Variants in PRDM16 observed in about 807,000 individuals in gnomAD.
The protein encoded by PRDM16 is PR/SET domain 16.
A neutral mutation model predicts 110.6 loss-of-function variants in PRDM16; 23 were observed. That is an observed-to-expected ratio of 0.21 (90% CI 0.15 to 0.29). PRDM16 has a LOEUF of 0.29. Among genes scored for constraint, PRDM16 ranks in the 10% least tolerant of loss-of-function variants. PRDM16 has a pLI of 1.00. For missense variants in PRDM16, 1,615 were observed against 1,794.3 expected (o/e 0.90, Z 1.81); for synonymous variants, 799 against 781.8 (o/e 1.02, Z -0.37).
intron 2 of PRDM16, among the ~76,000 whole-genome samples, chr1:3,224,267 A>C (rs982866733): frequency 1.3e-5 from 2 of 152,210 alleles, no homozygotes; most frequent in African/African-American, 4.8e-5. Flanking sequence ...AAAGCAATCA[A>C]ATTCATAATT....
At chr1:3,176,324 A>G (rs1644089628) in intron 1 of PRDM16, among the ~76,000 whole-genome samples, 1 of 151,734 alleles carries the variant, frequency 6.6e-6, no homozygotes, top group African/African-American at 2.4e-5. Context: ...CTATTCTTCC[A>G]TCCATCCCTC....
intron 3 of PRDM16, among the ~76,000 whole-genome samples, chr1:3,331,389 A>G (rs1317701220): frequency 6.6e-6 from 1 of 152,120 alleles, no homozygotes; most frequent in Non-Finnish European, 1.5e-5. Flanking sequence ...CAGAGAACAC[A>G]GCCCACCAGG....
At chr1:3,432,913 G>T (rs757664254) in intron 16 of PRDM16, among the ~76,000 whole-genome samples, 84 of 152,270 alleles carry the variant, frequency 5.5e-4, no homozygotes, top group Non-Finnish European at 1.1e-3. Flanking sequence ...ATGAACTAAC[G>T]CCTGGAAACA....
rs1042511639 is a variant in PRDM16 at position 3,255,636 on chromosome 1, G to A, written c.438+11499G>A. 1.3e-5 allele frequency among the ~76,000 whole-genome samples: 2 copies of A among 152,228 alleles called. No individual in the cohort carries two copies. The highest frequency in any genetic ancestry group is 2.9e-5 in the Non-Finnish European group (2 of 68,042). On this transcript the variant is annotated intron_variant, in intron 3 of 16. Transcript: ENST00000270722. The surrounding 1 kb of genome is among the most constrained non-coding windows in gnomAD (Gnocchi z 4.7). Reference sequence around the variant, plus strand: ...CCTTATCGCATTCAACTTAGCTGCTGTGGGCAAGCAGCAGGGCTTGGTCCA... The same window carrying A: ...CCTTATCGCATTCAACTTAGCTGCTATGGGCAAGCAGCAGGGCTTGGTCCA...
intron 4 of PRDM16, among the ~76,000 whole-genome samples, chr1:3,395,196 G>A (rs920340482): frequency 6.6e-6 from 1 of 151,686 alleles, no homozygotes; most frequent in Non-Finnish European, 1.5e-5. Flanking sequence ...ACATGGGGGA[G>A]GAGCATGCAG....
At chr1:3,183,617 T>C (rs1004238389) in intron 1 of PRDM16, among the ~76,000 whole-genome samples, 1 of 152,246 alleles carries the variant, frequency 6.6e-6, no homozygotes, top group Admixed American at 6.5e-5. Flanking sequence ...TGCACAGGCC[T>C]GCCTTTAATC....
chr1:3,074,225 G>C (rs542667401), intron 1 of PRDM16, among the ~76,000 whole-genome samples: 10 of 152,194 alleles, frequency 6.6e-5, no homozygotes, highest in African/African-American at 1.4e-4. Flanking sequence ...GAGTGCAGGC[G>C]AGCAGGCACC....
chr1:3,317,939 A>G (rs1490306531), intron 3 of PRDM16, among the ~76,000 whole-genome samples: 1 of 152,230 alleles, frequency 6.6e-6, no homozygotes, highest in Non-Finnish European at 1.5e-5. Flanking sequence ...TTGAGATCGA[A>G]TTATCAAATT....
At chr1:3,431,520 CGCCACCAATATCGG>C (rs1638768685) in intron 15 of PRDM16, among the ~76,000 whole-genome samples, 1 of 152,246 alleles carries the variant, frequency 6.6e-6, no homozygotes, top group South Asian at 2.1e-4. Flanking sequence ...CCTCAGTGTT[CGCCACCAATATCGG>C]GCCTGGGCGA....
chr1:3,187,657 C>T (rs1320974216), intron 2 of PRDM16, among the ~76,000 whole-genome samples: 2 of 152,166 alleles, frequency 1.3e-5, no homozygotes, highest in Non-Finnish European at 2.9e-5. Flanking sequence ...CTGCCCCGCA[C>T]GCTGCAGAGC....
Position 3,339,897 on chromosome 1 carries a change from G to A in PRDM16, c.439-45255G>A, listed in dbSNP as rs1279834276. On this transcript the variant is annotated intron_variant, in intron 3 of 16. Transcript: ENST00000270722. This position sits in a 1 kb window ranked among gnomAD's most constrained non-coding sequence, Gnocchi z 5.0. The stretch of plus-strand genomic sequence containing the variant: ...CAGTCCCATAGGAAGATGCGGTTCT[G>A]TGCAGCAGCTGAGGTTGGAAGGGCC... 6.6e-6 allele frequency among the ~76,000 whole-genome samples: 1 copy of A among 152,228 alleles called. No individual in the cohort carries two copies. The highest frequency in any genetic ancestry group is 1.5e-5 in the Non-Finnish European group (1 of 68,036).
intron 8 of PRDM16, among the ~76,000 whole-genome samples, chr1:3,408,801 TGTGA>T (rs1198975755): frequency 7.5e-6 from 1 of 133,422 alleles, no homozygotes; most frequent in Non-Finnish European, 1.6e-5. Context: ...GGTGCGTGTG[TGTGA>T]GCGCGTGTGG....
intron 1 of PRDM16, among the ~76,000 whole-genome samples, chr1:3,134,602 G>A (rs1569647604): frequency 6.6e-6 from 1 of 152,332 alleles, no homozygotes; most frequent in South Asian, 2.1e-4. Flanking sequence ...GGGGAAATAG[G>A]AAAAAGAACC....
At chr1:3,106,612 GCTGGCAGGAA>G (rs1195929349) in intron 1 of PRDM16, among the ~76,000 whole-genome samples, 4 of 152,154 alleles carry the variant, frequency 2.6e-5, no homozygotes, top group Admixed American at 6.5e-5. Context: ...GGGTGGCAGA[GCTGGCAGGAA>G]CTGGCAATGA....
chr1:3,140,242 G>A (rs1159107465), intron 1 of PRDM16, among the ~76,000 whole-genome samples: 2 of 152,234 alleles, frequency 1.3e-5, no homozygotes, highest in Admixed American at 1.3e-4. Flanking sequence ...TTTATTAAAT[G>A]TAATTGCTTC....
intron 10 of PRDM16, among the ~76,000 whole-genome samples, chr1:3,415,386 CAG>C (rs1557664037): frequency 6.6e-6 from 1 of 152,268 alleles, no homozygotes; most frequent in African/African-American, 2.4e-5. Flanking sequence ...CTGGCCCTGA[CAG>C]ACTGCAGACC....
chr1:3,408,798 G>GTC (rs1226876402), intron 8 of PRDM16, among the ~76,000 whole-genome samples: 1 of 138,916 alleles, frequency 7.2e-6, no homozygotes. Context: ...GCCGGTGCGT[G>GTC]TGTGTGAGCG....
intron 1 of PRDM16, among the ~76,000 whole-genome samples, chr1:3,077,431 G>C (rs143111804): frequency 6.6e-6 from 1 of 152,190 alleles, no homozygotes; most frequent in Admixed American, 6.5e-5. Context: ...AGGTGAGGAC[G>C]CTTTGGAGAA....
intron 5 of PRDM16, 86 bp from the exon 6 acceptor site, chr1:3,402,705 T>C (rs1643493201): frequency 1.6e-6 from 2 of 1,224,212 alleles, no homozygotes; most frequent in Non-Finnish European, 2.4e-6. Context: ...GGCACCGTGG[T>C]GAGGGGGCCA....
Sources: allele counts gnomAD v4.1 joint callset (sites outside exome capture counted in the v4.1 genomes callset), GRCh38; gene constraint gnomAD v4.1.1; non-coding constraint Gnocchi (gnomAD v3.1); transcripts MANE v1.5; gene names NCBI Gene and HGNC (gene_info 2026-07-23, HGNC 2026-07-21).